Variants in ROCK1 observed in about 807,000 individuals in gnomAD.
ROCK1 encodes rho-associated protein kinase 1.
A neutral mutation model predicts 196.8 loss-of-function variants in ROCK1; 36 were observed. The observed-to-expected ratio is 0.18, with a 90% CI of 0.14 to 0.24. ROCK1 has a LOEUF of 0.24. Ranked by LOEUF, ROCK1 falls within the 10% of genes least tolerant of loss-of-function variation. The pLI is 1.00. For missense variants in ROCK1, 920 were observed against 1,562.0 expected (o/e 0.59, Z 6.93); for synonymous variants, 443 against 515.9 (o/e 0.86, Z 1.91).
intron 22 of ROCK1, among the ~76,000 whole-genome samples, chr18:20,973,962 G>A (rs1400442372): frequency 1.3e-5 from 2 of 151,792 alleles, no homozygotes; most frequent in Admixed American, 6.6e-5. Flanking sequence ...AGTAGAGACG[G>A]GGTTTCTCCA....
At chr18:21,074,807 C>A (rs373812920) in intron 1 of ROCK1, among the ~76,000 whole-genome samples, 1 of 152,028 alleles carries the variant, frequency 6.6e-6, no homozygotes, top group Non-Finnish European at 1.5e-5. Context: ...TACAGGATAT[C>A]AAGTGTTATA....
intron 1 of ROCK1, among the ~76,000 whole-genome samples, chr18:21,081,806 T>C (rs558312225): frequency 6.6e-6 from 1 of 152,148 alleles, no homozygotes; most frequent in Non-Finnish European, 1.5e-5. Context: ...AAATGAACCA[T>C]AAAGAAATGG....
intron 1 of ROCK1, among the ~76,000 whole-genome samples, chr18:21,103,860 T>C (rs1479424633): frequency 6.6e-6 from 1 of 152,222 alleles, no homozygotes; most frequent in Non-Finnish European, 1.5e-5. Flanking sequence ...CACAGAGATT[T>C]AATAGCAAAA....
Position 20,979,436 on chromosome 18 carries a change from A to C in ROCK1, c.2654+474T>G, listed in dbSNP as rs2035509753. Among the ~76,000 whole-genome samples the C allele has an allele frequency of 2.6e-5, 4 of 152,080 alleles. No individual in the cohort carries two copies. In the South Asian group the frequency reaches 8.3e-4, roughly 31 times the overall value. On this transcript the variant is annotated intron_variant, in intron 22 of 32. Coordinates refer to ENST00000399799, the MANE Select transcript of ROCK1 (RefSeq NM_005406.3). The stretch of plus-strand genomic sequence containing the variant: ...CAGGAGTTTGAGACCAACCTGACCA[A>C]CATGGTGAAACCCTGTCTCTACTAA...
At chr18:21,107,633 G>C (rs553436970) in intron 1 of ROCK1, among the ~76,000 whole-genome samples, 24 of 152,222 alleles carry the variant, frequency 1.6e-4, no homozygotes, top group African/African-American at 2.4e-4. Context: ...CACCTGATAG[G>C]TCACCCTGAA....
chr18:21,099,396 C>G (rs977106212), intron 1 of ROCK1, among the ~76,000 whole-genome samples: 1 of 152,052 alleles, frequency 6.6e-6, no homozygotes, highest in African/African-American at 2.4e-5. Flanking sequence ...GGTAGAGAGA[C>G]GTGGATCAAA....
intron 2 of ROCK1, among the ~76,000 whole-genome samples, chr18:21,059,150 A>T (rs1420849070): frequency 6.6e-6 from 1 of 152,122 alleles, no homozygotes; most frequent in Non-Finnish European, 1.5e-5. Flanking sequence ...ACTCCCCACA[A>T]CCATGCTCTA....
At chr18:21,094,954 G>A (rs1337634227) in intron 1 of ROCK1, among the ~76,000 whole-genome samples, 1 of 150,508 alleles carries the variant, frequency 6.6e-6, no homozygotes, top group Non-Finnish European at 1.5e-5. Flanking sequence ...GGAAGCTGAA[G>A]CAGGAGAATC....
chr18:21,062,903 A>G (rs1277479631), intron 2 of ROCK1, among the ~76,000 whole-genome samples: 2 of 151,840 alleles, frequency 1.3e-5, no homozygotes, highest in Admixed American at 1.3e-4. Flanking sequence ...CTATGCTGTC[A>G]GGTTTGGCAG....
intron 1 of ROCK1, among the ~76,000 whole-genome samples, chr18:21,102,027 A>G (rs2143602580): frequency 6.6e-6 from 1 of 152,332 alleles, no homozygotes; most frequent in South Asian, 2.1e-4. Flanking sequence ...ACAGGAGTTC[A>G]CTATCCTATT....
intron 2 of ROCK1, among the ~76,000 whole-genome samples, chr18:21,068,323 G>A (rs2036355048): frequency 6.6e-6 from 1 of 152,122 alleles, no homozygotes; most frequent in Non-Finnish European, 1.5e-5. Flanking sequence ...TGCATGCACA[G>A]GTCTATTTCT....
At chr18:21,021,130 T>C (rs554232064) in intron 11 of ROCK1, among the ~76,000 whole-genome samples, 49 of 152,294 alleles carry the variant, frequency 3.2e-4, no homozygotes, top group African/African-American at 1.2e-3. Context: ...AAGCACAATG[T>C]ATGACCAAAC....
intron 12 of ROCK1, among the ~76,000 whole-genome samples, chr18:21,015,801 G>A (rs906898826): frequency 1.5e-4 from 22 of 150,914 alleles, no homozygotes; most frequent in African/African-American, 3.2e-4. Context: ...GTGAAACCCC[G>A]TCTCTACTAA....
At chr18:21,030,436 A>T (rs904375813) in intron 9 of ROCK1, among the ~76,000 whole-genome samples, 3 of 152,238 alleles carry the variant, frequency 2.0e-5, no homozygotes, top group Admixed American at 6.5e-5. Flanking sequence ...ATGATCTGTC[A>T]ACTGCTAAAG....
intron 4 of ROCK1, among the ~76,000 whole-genome samples, chr18:21,047,781 G>A (rs1375696318): frequency 2.0e-5 from 3 of 150,568 alleles, no homozygotes; most frequent in African/African-American, 7.4e-5. Context: ...CTGGGCGACA[G>A]AGCGAGACTC....
chr18:21,035,851 C>T (rs758199225), intron 9 of ROCK1, among the ~76,000 whole-genome samples: 18 of 152,040 alleles, frequency 1.2e-4, no homozygotes, highest in Admixed American at 3.3e-4. Flanking sequence ...TCTACTTAAA[C>T]GAAACACCCT....
chr18:21,067,758 T>C (rs189044757), intron 2 of ROCK1, among the ~76,000 whole-genome samples: 1 of 152,350 alleles, frequency 6.6e-6, no homozygotes, highest in Non-Finnish European at 1.5e-5. Flanking sequence ...TTATCTATTT[T>C]TCTTTTGTTG....
chr18:21,035,452 G>A (rs1377454228), intron 9 of ROCK1, among the ~76,000 whole-genome samples: 5 of 152,170 alleles, frequency 3.3e-5, no homozygotes, highest in African/African-American at 1.2e-4. Flanking sequence ...TTGAGCCCTG[G>A]AGTTTGAGAC....
chr18:21,095,552 A>T (rs1412022144), intron 1 of ROCK1, among the ~76,000 whole-genome samples: 1 of 152,210 alleles, frequency 6.6e-6, no homozygotes, highest in Admixed American at 6.5e-5. Context: ...TCATTTGCAC[A>T]ACATAGATAG....
Sources: allele counts gnomAD v4.1 joint callset (sites outside exome capture counted in the v4.1 genomes callset), GRCh38; gene constraint gnomAD v4.1.1; transcripts MANE v1.5; gene names NCBI Gene and HGNC (gene_info 2026-07-23, HGNC 2026-07-21).